ACCS: variants seen among roughly 807,000 people sequenced by gnomAD.
ACCS encodes 1-aminocyclopropane-1-carboxylate synthase-like protein 1.
A neutral mutation model predicts 59.8 loss-of-function variants in ACCS; 42 were observed. The observed-to-expected ratio is 0.70, with a 90% CI of 0.55 to 0.91. The LOEUF (loss-of-function observed/expected upper bound fraction) is 0.91, where lower values mean the gene tolerates loss of function less well. ACCS is among the 40% of genes least tolerant of loss of function. The pLI, the probability that ACCS is intolerant of heterozygous loss-of-function variation, is 0.00. For synonymous variants in ACCS, 230 were observed against 240.3 expected (o/e 0.96, Z 0.40); for missense variants, 602 against 630.4 (o/e 0.95, Z 0.48).
At chr11:44,081,627 G>T (rs3134909) in intron 12 of ACCS, among the ~76,000 whole-genome samples, 48,854 of 152,058 alleles carry the variant, frequency 0.32, 8,283 homozygotes, top group African/African-American at 0.4. Context: ...GCATATAATA[G>T]GCACTTGATT....
intron 3 of ACCS, among the ~76,000 whole-genome samples, chr11:44,072,818 GGA>G (rs1953124402): frequency 6.6e-6 from 1 of 152,174 alleles, no homozygotes; most frequent in Admixed American, 6.5e-5. Flanking sequence ...AGGGAGGAAG[GGA>G]GAGAGGGCAA....
intron 3 of ACCS, 180 bp from the exon 4 acceptor site, chr11:44,073,267 C>A: frequency 1.5e-6 from 1 of 661,322 alleles, no homozygotes; most frequent in South Asian, 1.7e-5. Context: ...GGCTGAGTGA[C>A]CTCACTTTTT....
At chr11:44,070,547 C>A (rs1229133052) in intron 2 of ACCS, among the ~76,000 whole-genome samples, 1 of 152,164 alleles carries the variant, frequency 6.6e-6, no homozygotes, top group Non-Finnish European at 1.5e-5. Context: ...CTTCACTCCC[C>A]CTGCAGTAAC....
In ACCS at chr11:44,083,771, G is replaced by A; in HGVS notation, c.1485G>A (p.Glu495=). 1 of 1,613,270 alleles carries A rather than the reference G, an allele frequency of 6.2e-7. No homozygotes were observed. Among genetic ancestry groups the A allele is most frequent in the Non-Finnish European group, 8.5e-7 (1 of 1,179,610 alleles). Residue 495 remains glutamate, a synonymous_variant, in exon 15 of 15, where the codon GAG becomes GAA. Transcript: ENST00000263776. ...AEDPRPSQSQ[E]PSDQRR is the part of the protein sequence containing the mutation. ...ACCCCCGTCCCTCTCAGAGCCAGGA[G>A]CCAAGTGACCAACGCAGGTGAGCTG... is the stretch of plus-strand genomic sequence containing the variant.
At position 44,079,469 on chromosome 11, in the gene ACCS, C is replaced by T. The variant is rs147981075; in HGVS notation, c.834-62C>T. On this transcript the variant is annotated intron_variant, in intron 9 of 14. Coordinates refer to ENST00000263776, the MANE Select transcript of ACCS (RefSeq NM_032592.4). ...GGATTTCTGATGTATTACCTCCCCA[C>T]CCTGTGGGACGCATCTGCCCTACAC... 1,019 of 1,419,558 alleles carry T rather than the reference C, an allele frequency of 7.2e-4. 6 individuals carry two copies. In the African/African-American group the frequency reaches 0.012, roughly 17 times the overall value. 87.9% of individuals were successfully genotyped at this position (1,419,558 alleles called of 1,614,324 possible).
intron 12 of ACCS, 135 bp from the exon 13 acceptor site, chr11:44,083,034 C>A: frequency 8.3e-7 from 1 of 1,200,262 alleles, no homozygotes; most frequent in Non-Finnish European, 1.2e-6. Context: ...TCCTTCCCAC[C>A]ACAGCAGCCA....
chr11:44,069,526 T>C lies in ACCS; in HGVS notation c.288+1611T>C, dbSNP rs1952949602. ...GCCACCGCGCCTGGCCAAGCCACCG[T>C]GCCAGTCCACGCCACCACGCCCAGC... On this transcript the variant is annotated intron_variant, in intron 2 of 14. Coordinates refer to ENST00000263776, the MANE Select transcript of ACCS (RefSeq NM_032592.4). Among the ~76,000 whole-genome samples, 4 of 152,234 alleles carry C rather than the reference T, an allele frequency of 2.6e-5. No homozygotes were observed. In the South Asian group the frequency reaches 8.3e-4, roughly 32 times the overall value.
At chr11:44,075,933 A>T (rs1953341400) in intron 6 of ACCS, 1 of 224,906 alleles carries the variant, frequency 4.4e-6, no homozygotes, top group Admixed American at 5.3e-5. Flanking sequence ...GGAGATGGGG[A>T]TGGGGATGCT....
At chr11:44,080,913 G>C in intron 10 of ACCS, 107 bp from the exon 11 acceptor site, 1 of 1,420,398 alleles carries the variant, frequency 7.0e-7, no homozygotes, top group Non-Finnish European at 9.8e-7. Flanking sequence ...GGCTTGTCCT[G>C]GAACCAAAAC....
In ACCS at chr11:44,083,166, C is replaced by G; in HGVS notation, c.1112-3C>G. 6.2e-7 allele frequency: 1 copy of G among 1,613,680 alleles called. No individual in the cohort carries two copies. ...GATCTTCTGGCCTCTTTCACCCAAA[C>G]AGACTGGATCAACCAGGTGTACCTG... On this transcript the variant is annotated splice_polypyrimidine_tract_variant and splice_region_variant and intron_variant, in intron 12 of 14. Transcript: ENST00000263776.
chr11:44,077,792 G>A, intron 7 of ACCS, 53 bp from the exon 8 acceptor site: 1 of 1,596,634 alleles, frequency 6.3e-7, no homozygotes, highest in Non-Finnish European at 8.5e-7. Flanking sequence ...TATGTATTTT[G>A]GGGGGCAATG....
intron 5 of ACCS, 53 bp downstream of exon 5, chr11:44,074,734 C>CTCTTTCTTTCTTTCTTTCTT (rs202091203): frequency 0.011 from 6,053 of 547,788 alleles, 832 homozygotes; most frequent in African/African-American, 0.02. Flanking sequence ...CCCTCTCCAT[C>CTCTTTCTTTCTTTCTTTCTT]TCTTTCTTTC....
intron 10 of ACCS, among the ~76,000 whole-genome samples, chr11:44,080,059 A>T (rs1343387776): frequency 6.6e-6 from 1 of 152,230 alleles, no homozygotes; most frequent in Non-Finnish European, 1.5e-5. Context: ...TAAGCAAAGC[A>T]TTTGTGGCCA....
intron 8 of ACCS, chr11:44,078,265 G>T: frequency 3.0e-6 from 1 of 332,304 alleles, no homozygotes; most frequent in Non-Finnish European, 5.4e-6. Flanking sequence ...TAGTTTGAGG[G>T]GGCAACCTTG....
chr11:44,068,245 T>C (rs1321039698), intron 2 of ACCS, among the ~76,000 whole-genome samples: 1 of 152,174 alleles, frequency 6.6e-6, no homozygotes, highest in East Asian at 1.9e-4. Context: ...GTTTTACTTA[T>C]AGGTTGTGTG....
chr11:44,071,414 C>T, intron 3 of ACCS, 99 bp downstream of exon 3: 1 of 1,402,048 alleles, frequency 7.1e-7, no homozygotes, highest in Non-Finnish European at 1.0e-6. Context: ...GCTCAGTGGC[C>T]CTGGCCTGGG....
rs775045175 is a variant in ACCS at position 44,081,050 on chromosome 11, G to A, written c.954G>A (p.Met318Ile). 9.2e-5 allele frequency: 148 copies of A among 1,614,114 alleles called. No homozygotes were observed. Among genetic ancestry groups the A allele is most frequent in the Non-Finnish European group, 1.2e-4 (141 of 1,180,062 alleles). The change falls in exon 11 of 15, where the codon ATG becomes ATA. Residue 318 changes from methionine to isoleucine, a missense_variant. Transcript: ENST00000263776. Reference sequence around the variant, plus strand: ...CTGACCCCCAGAGGACCCATGTGATGTGGGCAACCAGCAAGGTGAGTTCCT... The same window carrying A: ...CTGACCCCCAGAGGACCCATGTGATATGGGCAACCAGCAAGGTGAGTTCCT... ...RLPDPQRTHVMWATSKDFGMS... is the reference protein window; with the variant it reads ...RLPDPQRTHVIWATSKDFGMS...
chr11:44,067,036 C>T (rs1952822698), intron 1 of ACCS: 1 of 153,982 alleles, frequency 6.5e-6, no homozygotes, highest in Admixed American at 6.4e-5. Context: ...GGAGTTCACA[C>T]CCGCGGGCAG....
In ACCS at chr11:44,083,816, A is replaced by T; in HGVS notation, c.*24A>T. On this transcript the variant is annotated 3_prime_UTR_variant, in exon 15 of 15. Transcript: ENST00000263776. Reference sequence around the variant, plus strand: ...GAGCTGGTCATTGTCTCGTGGCCAGAGGGCCCAGCAGCCACTGTGGACCTG... The same window carrying T: ...GAGCTGGTCATTGTCTCGTGGCCAGTGGGCCCAGCAGCCACTGTGGACCTG... The T allele has an allele frequency of 1.9e-6, 3 of 1,571,498 alleles. No individual in the cohort carries two copies. Among genetic ancestry groups the T allele is most frequent in the Non-Finnish European group, 2.6e-6 (3 of 1,158,436 alleles).
Sources: allele counts gnomAD v4.1 joint callset (sites outside exome capture counted in the v4.1 genomes callset), GRCh38; gene constraint gnomAD v4.1.1; transcripts MANE v1.5; gene names NCBI Gene and HGNC (gene_info 2026-07-23, HGNC 2026-07-21).